Variants in HCRTR2 observed in about 807,000 individuals in gnomAD.
HCRTR2 encodes the protein orexin receptor type 2.
A neutral mutation model predicts 49.0 loss-of-function variants in HCRTR2; 22 were observed. The observed-to-expected ratio is 0.45, with a 90% CI of 0.32 to 0.64. The LOEUF (loss-of-function observed/expected upper bound fraction) is 0.64, where lower values mean the gene tolerates loss of function less well. Ranked by LOEUF, HCRTR2 falls within the 30% of genes least tolerant of loss-of-function variation. The pLI, the probability that HCRTR2 is intolerant of heterozygous loss-of-function variation, is 0.04. For synonymous variants in HCRTR2, 236 were observed against 205.3 expected, an observed-to-expected ratio of 1.15 and a Z score of -1.28; for missense variants, 491 against 559.4, an observed-to-expected ratio of 0.88 and a Z score of 1.23.
At chr6:55,124,760 C>T (rs777208037) in intron 1 of HCRTR2, among the ~76,000 whole-genome samples, 2 of 152,112 alleles carry the variant, frequency 1.3e-5, no homozygotes, top group Non-Finnish European at 2.9e-5. Flanking sequence ...TCTTGTAGGT[C>T]TCTAAGGACT....
intron 1 of HCRTR2, among the ~76,000 whole-genome samples, chr6:55,110,816 A>G (rs1303806183): frequency 6.7e-6 from 1 of 150,340 alleles, no homozygotes; most frequent in Non-Finnish European, 1.5e-5. Context: ...TAGACAGGTC[A>G]TAAAGATGGA....
intron 4 of HCRTR2, among the ~76,000 whole-genome samples, chr6:55,265,393 T>A (rs1464353888): frequency 6.6e-6 from 1 of 152,146 alleles, no homozygotes; most frequent in Non-Finnish European, 1.5e-5. Context: ...CTATTACAGG[T>A]CAGTGGGGAG....
intron 1 of HCRTR2, among the ~76,000 whole-genome samples, chr6:55,167,483 T>G (rs774892547): frequency 3.9e-5 from 6 of 151,966 alleles, no homozygotes; most frequent in Non-Finnish European, 8.8e-5. Context: ...CACCTAAAAG[T>G]AAATTTCCTC....
intron 1 of HCRTR2, among the ~76,000 whole-genome samples, chr6:55,188,181 A>G (rs1765257892): frequency 6.6e-6 from 1 of 152,192 alleles, no homozygotes; most frequent in Non-Finnish European, 1.5e-5. Context: ...GTGGGATTTA[A>G]ACAAAACACA....
At chr6:55,131,624 A>C (rs563134640) in intron 1 of HCRTR2, among the ~76,000 whole-genome samples, 14 of 151,820 alleles carry the variant, frequency 9.2e-5, no homozygotes, top group Non-Finnish European at 2.1e-4. Context: ...AAAAGGCAAA[A>C]ATTTTAAGTG....
chr6:55,255,067 T>A (rs1766623477), intron 2 of HCRTR2, 69 bp from the exon 3 acceptor site: 5 of 1,548,092 alleles, frequency 3.2e-6, no homozygotes, highest in African/African-American at 1.4e-5. Context: ...TCTCATATAG[T>A]AAATATATTA....
chr6:55,145,307 A>G (rs1032384711), intron 1 of HCRTR2, among the ~76,000 whole-genome samples: 2 of 152,154 alleles, frequency 1.3e-5, no homozygotes, highest in African/African-American at 4.8e-5. Flanking sequence ...ACGTTGTTGC[A>G]TGTCAATGTC....
At chr6:55,284,367 GGGAACTTAGT>G (rs1226299396), downstream of HCRTR2, among the ~76,000 whole-genome samples, 1 of 152,052 alleles carries the variant, frequency 6.6e-6, no homozygotes, top group Non-Finnish European at 1.5e-5. Context: ...AGCATCATCT[GGGAACTTAGT>G]GGACATGCTA....
intron 1 of HCRTR2, among the ~76,000 whole-genome samples, chr6:55,222,546 T>C (rs1185366386): frequency 6.6e-6 from 1 of 152,138 alleles, no homozygotes; most frequent in Non-Finnish European, 1.5e-5. Context: ...AAATATATAA[T>C]GACAGATGAT....
chr6:55,154,779 A>G (rs978489105), intron 1 of HCRTR2, among the ~76,000 whole-genome samples: 8 of 151,708 alleles, frequency 5.3e-5, no homozygotes, highest in Non-Finnish European at 1.0e-4. Flanking sequence ...CTCTGTTTGT[A>G]GATGAGCTGA....
intron 1 of HCRTR2, among the ~76,000 whole-genome samples, chr6:55,178,220 G>T (rs1765073157): frequency 2.6e-5 from 4 of 151,980 alleles, no homozygotes; most frequent in Non-Finnish European, 5.9e-5. Flanking sequence ...TAAACATTAA[G>T]TACCTAGGGA....
intron 1 of HCRTR2, among the ~76,000 whole-genome samples, chr6:55,151,124 T>G (rs1175670252): frequency 6.6e-6 from 1 of 152,042 alleles, no homozygotes; most frequent in East Asian, 1.9e-4. Context: ...GCCTCAATGT[T>G]GATGGTTGCT....
At chr6:55,228,777 C>T (rs1000996684) in intron 1 of HCRTR2, among the ~76,000 whole-genome samples, 3 of 152,242 alleles carry the variant, frequency 2.0e-5, no homozygotes, top group Admixed American at 1.3e-4. Flanking sequence ...ATTTTAATCT[C>T]TTTTTCTAGA....
At position 55,282,481 on chromosome 6, in the gene HCRTR2, C is replaced by T. The variant is rs746371762; in HGVS notation, c.*27C>T. 1 of 1,172,928 alleles carries T rather than the reference C, an allele frequency of 8.5e-7. No homozygotes were observed. The highest frequency in any genetic ancestry group is 1.5e-5 in the African/African-American group (1 of 65,790). The allele number at this position is 1,172,928 out of a possible 1,614,324, so 72.7% of individuals were successfully genotyped here. Reference sequence around the variant, plus strand: ...ATATTTATTCATATGACAAGGATACCTGAGTAAAACTATCCTTTTTAAAAT... The same window carrying T: ...ATATTTATTCATATGACAAGGATACTTGAGTAAAACTATCCTTTTTAAAAT... On this transcript the variant is annotated 3_prime_UTR_variant, in exon 7 of 7. Coordinates refer to ENST00000370862, the MANE Select transcript of HCRTR2 (RefSeq NM_001384272.1).
At chr6:55,247,564 C>G (rs1452556316) in intron 1 of HCRTR2, among the ~76,000 whole-genome samples, 1 of 152,098 alleles carries the variant, frequency 6.6e-6, no homozygotes, top group Non-Finnish European at 1.5e-5. Flanking sequence ...ATGCCCCAGA[C>G]AAATTCAGTA....
chr6:55,198,942 A>G (rs1290926938), intron 1 of HCRTR2, among the ~76,000 whole-genome samples: 2 of 152,186 alleles, frequency 1.3e-5, no homozygotes, highest in East Asian at 3.9e-4. Context: ...CTGTAACACA[A>G]TAGGATCAAT....
intron 1 of HCRTR2, among the ~76,000 whole-genome samples, chr6:55,109,026 G>A (rs1314695984): frequency 2.0e-5 from 3 of 152,094 alleles, no homozygotes; most frequent in Admixed American, 6.6e-5. Flanking sequence ...ACTGGAGCAG[G>A]TGCTGGTATC....
chr6:55,127,336 AC>A (rs1317696206), intron 1 of HCRTR2, among the ~76,000 whole-genome samples: 1 of 147,268 alleles, frequency 6.8e-6, no homozygotes, highest in African/African-American at 2.5e-5. Context: ...AAACTCCCCG[AC>A]CCCTTGCACT....
intron 1 of HCRTR2, among the ~76,000 whole-genome samples, chr6:55,110,683 G>C (rs1466625263): frequency 6.6e-6 from 1 of 151,868 alleles, no homozygotes; most frequent in African/African-American, 2.4e-5. Flanking sequence ...AAATATCACA[G>C]TCCTAAATAT....
Sources: allele counts gnomAD v4.1 joint callset (sites outside exome capture counted in the v4.1 genomes callset), GRCh38; gene constraint gnomAD v4.1.1; transcripts MANE v1.5; gene names NCBI Gene and HGNC (gene_info 2026-07-23, HGNC 2026-07-21).